SRSF2: variants seen among roughly 807,000 people sequenced by gnomAD.
SRSF2 encodes the protein serine/arginine-rich splicing factor 2.
In SRSF2, 4 loss-of-function variants were observed where a neutral mutation model predicts 15.7. The ratio of observed to expected loss-of-function variants is 0.26; its 90% CI spans 0.13 to 0.58. The LOEUF (loss-of-function observed/expected upper bound fraction) is 0.58, where lower values mean the gene tolerates loss of function less well. SRSF2 is among the 20% of genes least tolerant of loss of function. SRSF2 has a pLI of 0.90. For synonymous variants in SRSF2, 192 were observed against 138.9 expected, an observed-to-expected ratio of 1.38 and a Z score of -2.69; for missense variants, 147 against 332.4, an observed-to-expected ratio of 0.44 and a Z score of 4.34.
At position 76,734,269 on chromosome 17, in the gene SRSF2, A is replaced by G. The variant is rs1417480994; in HGVS notation, c.*897T>C. On this transcript the variant is annotated 3_prime_UTR_variant, in exon 3 of 3. Coordinates refer to ENST00000359995, the MANE Select transcript of SRSF2 (RefSeq NM_001195427.2). ...CCTTAACATTTTCCATGTTAAGTTC[A>G]TACATGTAGATATGATCAGATTTAC... The G allele has an allele frequency of 4.4e-6, 1 of 226,412 alleles. No individual in the cohort carries two copies. Among genetic ancestry groups the G allele is most frequent in the African/African-American group, 2.2e-5 (1 of 44,860 alleles). 14.0% of individuals were successfully genotyped at this position (226,412 alleles called of 1,614,324 possible). A position where few individuals can be genotyped will look rare whatever the true frequency, so the allele number is the denominator to read the frequency against.
rs772956369 is a variant in SRSF2 at position 76,737,240 on chromosome 17, G to A, written c.-80C>T. 2 of 1,456,518 alleles carry A rather than the reference G, an allele frequency of 1.4e-6. No individual in the cohort carries two copies. Among genetic ancestry groups the A allele is most frequent in the East Asian group, 2.5e-5 (1 of 39,984 alleles). 90.2% of individuals were successfully genotyped at this position (1,456,518 alleles called of 1,614,324 possible). Reference sequence around the variant, plus strand: ...GGGCGGTGCGACGCCGCGCCTCTCAGGCAGTTGCCTTCCGCGTGGGGACAC... The same window carrying A: ...GGGCGGTGCGACGCCGCGCCTCTCAAGCAGTTGCCTTCCGCGTGGGGACAC... On this transcript the variant is annotated 5_prime_UTR_variant, in exon 1 of 3. Transcript: ENST00000359995.
At chr17:76,737,345 G>C (rs1004191224), upstream of SRSF2, 8 of 735,818 alleles carry the variant, frequency 1.1e-5, no homozygotes, top group Non-Finnish European at 1.7e-5. Context: ...CGGGCAGCCG[G>C]CCTCTGCGCC....
intron 2 of SRSF2, 77 bp downstream of exon 2, chr17:76,736,077 T>A: frequency 7.0e-6 from 10 of 1,419,702 alleles, no homozygotes; most frequent in Non-Finnish European, 9.5e-6. Context: ...CATTCTTACA[T>A]TAACACGACT....
In SRSF2 at chr17:76,736,927, G is replaced by A. The variant is rs2077533227; in HGVS notation, c.234C>T (p.Ala78=). Residue 78 remains alanine (A), a synonymous_variant, in exon 1 of 3, where the codon GCC becomes GCT. Transcript: ENST00000359995. The part of the protein sequence containing the change: ...AEDAMDAMDG[A]VLDGRELRVQ... ...CCCGCAGCTCGCGGCCGTCCAGCAC[G>A]GCCCCGTCCATGGCATCCATAGCGT... 3.7e-6 allele frequency: 6 copies of A among 1,613,058 alleles called. No individual in the cohort carries two copies. Among genetic ancestry groups the A allele is most frequent in the Non-Finnish European group, 5.1e-6 (6 of 1,179,900 alleles).
intron 1 of SRSF2, 141 bp from the exon 2 acceptor site, chr17:76,736,605 GCCGCCCACACC>G (rs2077495040): frequency 4.2e-6 from 5 of 1,177,010 alleles, no homozygotes; most frequent in South Asian, 1.7e-5. Flanking sequence ...TCCGCCCCGC[GCCGCCCACACC>G]CCGGCCACTC....
At chr17:76,735,664 A>G (rs953377199) in intron 2 of SRSF2, 3 of 255,256 alleles carry the variant, frequency 1.2e-5, no homozygotes, top group African/African-American at 6.6e-5. Flanking sequence ...TTCTTATTGC[A>G]ATTCTTTTGC....
chr17:76,736,882 G>A lies in SRSF2; in HGVS notation c.279C>T (p.Gly93=), dbSNP rs2077531753. ...RELRVQMARY[G]RPPDSHHSRR... is the part of the protein sequence containing the mutation. ...GGCTGTGGTGTGAGTCCGGGGGGCG[G>A]CCGTAGCGCGCCATTTGCACCCGCA... The change falls in exon 1 of 3, where the codon GGC becomes GGT. Residue 93 remains glycine, a synonymous_variant. Transcript: ENST00000359995. The A allele has an allele frequency of 6.2e-7, 1 of 1,611,666 alleles. No homozygotes were observed. Among genetic ancestry groups the A allele is most frequent in the African/African-American group, 1.3e-5 (1 of 75,018 alleles).
At chr17:76,736,652 C>T in intron 1 of SRSF2, 147 bp downstream of exon 1, 1 of 1,184,948 alleles carries the variant, frequency 8.4e-7, no homozygotes, top group South Asian at 2.3e-5. Context: ...CGGAAGCTCG[C>T]GGGGTGGCCG....
rs1417460228 is a variant in SRSF2 at position 76,736,341 on chromosome 17, C to T, written c.486G>A (p.Lys162=). The T allele has an allele frequency of 3.7e-6, 6 of 1,614,012 alleles. No individual in the cohort carries two copies. Among genetic ancestry groups the T allele is most frequent in the Non-Finnish European group, 5.1e-6 (6 of 1,180,022 alleles). ...RTRSRSRSTS[K]SRSARRSKSK... ...ACTTGGACCTTCGTGCGGATCTGGA[C>T]TTGGAGGTCGACCGAGATCGAGAAC... The change falls in exon 2 of 3, where the codon AAG becomes AAA. Residue 162 remains lysine, a synonymous_variant. Coordinates refer to ENST00000359995, the MANE Select transcript of SRSF2 (RefSeq NM_001195427.2).
At chr17:76,736,060 T>C (rs1174828602) in intron 2 of SRSF2, 94 bp downstream of exon 2, 4 of 1,268,618 alleles carry the variant, frequency 3.2e-6, no homozygotes, top group East Asian at 4.7e-5. Flanking sequence ...CTCCTAATGA[T>C]AGGAGTCATT....
intron 1 of SRSF2, 161 bp from the exon 2 acceptor site, chr17:76,736,625 T>A: frequency 1.8e-6 from 2 of 1,137,088 alleles, no homozygotes; most frequent in Non-Finnish European, 2.3e-6. Context: ...CCCCGGCCAC[T>A]CCCGGGTCGC....
chr17:76,737,098 C>T lies in SRSF2; in HGVS notation c.63G>A (p.Leu21=), dbSNP rs756403208. 6.2e-7 allele frequency: 1 copy of T among 1,611,144 alleles called. No homozygotes were observed. The highest frequency in any genetic ancestry group is 2.2e-5 in the East Asian group (1 of 44,740). ...EGMTSLKVDN[L]TYRTSPDTLR... The stretch of plus-strand genomic sequence containing the variant: ...GCGTGTCGGGCGAGGTGCGGTAGGT[C>T]AGGTTGTCCACCTTGAGGGAGGTCA... The change falls in exon 1 of 3, where the codon CTG becomes CTA. Residue 21 remains leucine, a synonymous_variant. Coordinates refer to ENST00000359995, the MANE Select transcript of SRSF2 (RefSeq NM_001195427.2).
In SRSF2 at chr17:76,737,268, G is replaced by C. The variant is rs539068654; in HGVS notation, c.-108C>G. On this transcript the variant is annotated 5_prime_UTR_variant, in exon 1 of 3. Coordinates refer to ENST00000359995, the MANE Select transcript of SRSF2 (RefSeq NM_001195427.2). ...AGTTGCCTTCCGCGTGGGGACACTG[G>C]GAAAGGCCTTGCCGCAGAACAGCAC... 4 of 1,407,812 alleles carry C rather than the reference G, an allele frequency of 2.8e-6. No homozygotes were observed. The South Asian group carries it at 4.4e-5, about 15-fold the overall frequency. The allele number at this position is 1,407,812 out of a possible 1,614,324, so 87.2% of individuals were successfully genotyped here.
At chr17:76,736,712 A>G (rs2077513524) in intron 1 of SRSF2, 87 bp downstream of exon 1, 7 of 1,342,124 alleles carry the variant, frequency 5.2e-6, no homozygotes, top group Non-Finnish European at 6.7e-6. Flanking sequence ...GGCCCGCACC[A>G]CGTGCTTCGC....
Position 76,734,377 on chromosome 17 carries a change from A to C in SRSF2, c.*789T>G, listed in dbSNP as rs1176227823. The C allele has an allele frequency of 4.1e-6, 1 of 241,720 alleles. No homozygotes were observed. Among genetic ancestry groups the C allele is most frequent in the Non-Finnish European group, 8.7e-6 (1 of 114,738 alleles). 15.0% of individuals were successfully genotyped at this position (241,720 alleles called of 1,614,324 possible). ...CTGTATGCTCCGTTATTTATATGCA[A>C]GGCCCGGGTGACTGGAAGTGCAGTT... On this transcript the variant is annotated 3_prime_UTR_variant, in exon 3 of 3. Transcript: ENST00000359995.
chr17:76,735,738 G>C, intron 2 of SRSF2: 1 of 331,072 alleles, frequency 3.0e-6, no homozygotes, highest in East Asian at 5.1e-5. Context: ...GTTTCTCTAA[G>C]AGGATAGTGC....
intron 1 of SRSF2, 134 bp from the exon 2 acceptor site, chr17:76,736,598 G>C (rs563622861): frequency 1.7e-6 from 2 of 1,176,632 alleles, no homozygotes; most frequent in South Asian, 3.4e-5. Flanking sequence ...GGGGTCCTCC[G>C]CCCCGCGCCG....
intron 2 of SRSF2, 172 bp downstream of exon 2, chr17:76,735,982 A>G: frequency 1.5e-6 from 1 of 656,380 alleles, no homozygotes; most frequent in Non-Finnish European, 2.6e-6. Flanking sequence ...TCTAAGCTTC[A>G]TACACATCCT....
In SRSF2 at chr17:76,736,440, T is replaced by A; in HGVS notation, c.387A>T (p.Arg129=). 2.5e-6 allele frequency: 4 copies of A among 1,612,828 alleles called. No individual in the cohort carries two copies. The highest frequency in any genetic ancestry group is 3.4e-6 in the Non-Finnish European group (4 of 1,179,958). ...SRSPRRRRRS[R]SRSRSRSRSR... ...ACCTGGAACGACTCCGACTCCGGGA[T>A]CGGCTGCGGCGACGCCGCCTAGGGC... Residue 129 remains arginine, a synonymous_variant, in exon 2 of 3, where the codon CGA becomes CGT. Transcript: ENST00000359995.
Sources: gnomAD v4.1 joint callset for allele counts on GRCh38, gnomAD v4.1.1 for gene constraint, MANE v1.5 for transcripts, NCBI Gene and HGNC (gene_info 2026-07-23, HGNC 2026-07-21) for gene names.